Variants in STON2 observed in about 807,000 individuals in gnomAD.
The protein encoded by STON2 is stonin 2.
Under a neutral mutation model 65.7 loss-of-function variants are expected in STON2, and 29 were observed. The ratio of observed to expected loss-of-function variants is 0.44; its 90% CI spans 0.33 to 0.60. The LOEUF is 0.60. Ranked by LOEUF, STON2 falls within the 20% of genes least tolerant of loss-of-function variation. The pLI is 0.03. For synonymous variants in STON2, 404 were observed against 414.2 expected, an observed-to-expected ratio of 0.98 and a Z score of 0.30; for missense variants, 1,054 against 1,118.1, an observed-to-expected ratio of 0.94 and a Z score of 0.82.
At chr14:81,344,532 A>G (rs1897740367) in intron 4 of STON2, among the ~76,000 whole-genome samples, 1 of 152,204 alleles carries the variant, frequency 6.6e-6, no homozygotes, top group Non-Finnish European at 1.5e-5. Flanking sequence ...GTATGTATGT[A>G]TCATATGTTA....
intron 5 of STON2, among the ~76,000 whole-genome samples, chr14:81,297,285 C>T (rs1430352653): frequency 1.3e-5 from 2 of 152,154 alleles, no homozygotes; most frequent in Non-Finnish European, 2.9e-5. Flanking sequence ...GGTAAGTCTC[C>T]ATTACCTCTA....
intron 2 of STON2, among the ~76,000 whole-genome samples, chr14:81,421,962 C>T (rs907908755): frequency 4.2e-4 from 64 of 152,204 alleles, no homozygotes; most frequent in Admixed American, 3.7e-3. Context: ...GGCTGGAACC[C>T]TGGGGAAGGT....
chr14:81,269,384 C>A, intron 7 of STON2: 2 of 985,374 alleles, frequency 2.0e-6, no homozygotes, highest in Non-Finnish European at 2.4e-6. Context: ...ATATCTTCTG[C>A]AAAATACTGT....
intron 5 of STON2, among the ~76,000 whole-genome samples, chr14:81,283,133 A>G (rs1270348252): frequency 6.6e-6 from 1 of 152,192 alleles, no homozygotes; most frequent in African/African-American, 2.4e-5. Flanking sequence ...TCCAGTACCT[A>G]AGAGGTTCCT....
chr14:81,429,968 C>T (rs755357064), intron 1 of STON2, among the ~76,000 whole-genome samples: 1 of 152,046 alleles, frequency 6.6e-6, no homozygotes, highest in Non-Finnish European at 1.5e-5. Flanking sequence ...CATCTAGCTC[C>T]GACTTCCCTT....
chr14:81,274,908 AAAACAAAC>A (rs560348632), intron 6 of STON2, among the ~76,000 whole-genome samples: 21 of 152,254 alleles, frequency 1.4e-4, no homozygotes, highest in South Asian at 8.3e-4. Context: ...TCATTTCAAA[AAAACAAAC>A]AAACAAACAA....
chr14:81,339,915 G>A (rs973762820), intron 4 of STON2, among the ~76,000 whole-genome samples: 2 of 152,232 alleles, frequency 1.3e-5, no homozygotes, highest in African/African-American at 2.4e-5. Flanking sequence ...AACACTTTGG[G>A]AGGCCAAGGC....
rs551645855 is a variant in STON2, at chr14:81,326,478, T to C, written c.572-2291A>G. 1.1e-4 allele frequency among the ~76,000 whole-genome samples: 16 copies of C among 151,926 alleles called. No homozygotes were observed. The South Asian group carries it at 3.3e-3, about 32-fold the overall frequency. On this transcript the variant is annotated intron_variant, in intron 4 of 7. Coordinates refer to ENST00000614646, the MANE Select transcript of STON2 (RefSeq NM_001394390.1). ...TTCTCTAAAAGTATATACCTTGTTA[T>C]ACTGTCTCAGTAATGAAACAATTTT...
intron 7 of STON2, among the ~76,000 whole-genome samples, chr14:81,269,043 G>C (rs1894468843): frequency 6.6e-6 from 1 of 152,066 alleles, no homozygotes; most frequent in Non-Finnish European, 1.5e-5. Context: ...CTGTTACTCA[G>C]ACCGGAGTGC....
chr14:81,271,703 T>C (rs1894600400), intron 6 of STON2, among the ~76,000 whole-genome samples: 1 of 152,216 alleles, frequency 6.6e-6, no homozygotes, highest in African/African-American at 2.4e-5. Flanking sequence ...ACTTGAGAAT[T>C]GTTATTGAGA....
rs534115993 is a variant in STON2 at position 81,278,856 on chromosome 14, G to A, written c.743-117C>T. On this transcript the variant is annotated intron_variant, in intron 5 of 7. Transcript: ENST00000614646. ...TAACTGGAATCCAGTACATTCCAAA[G>A]CAGCTCATTATCTGTTTCAAGTGCT... 28 of 783,794 alleles carry A rather than the reference G, an allele frequency of 3.6e-5. No individual in the cohort carries two copies. The East Asian group carries it at 6.8e-4, about 19-fold the overall frequency. 48.6% of individuals were successfully genotyped at this position (783,794 alleles called of 1,614,324 possible). A position where few individuals can be genotyped will look rare whatever the true frequency, so the allele number is the denominator to read the frequency against.
intron 2 of STON2, among the ~76,000 whole-genome samples, chr14:81,410,312 A>G (rs1413843085): frequency 6.7e-6 from 1 of 150,308 alleles, no homozygotes; most frequent in African/African-American, 2.4e-5. Flanking sequence ...AAAAAACAGA[A>G]GAGATCAATG....
intron 3 of STON2, among the ~76,000 whole-genome samples, chr14:81,386,390 G>A (rs1442896363): frequency 1.3e-5 from 2 of 151,810 alleles, no homozygotes; most frequent in Non-Finnish European, 2.9e-5. Context: ...GAAATTAACG[G>A]CGGGGCTAGT....
Position 81,261,547 on chromosome 14 carries a change from AG to A in STON2, c.*6866del. On this transcript the variant is annotated 3_prime_UTR_variant, in exon 8 of 8. Transcript: ENST00000614646. ...TTACTAAGAGACAACGAGGATACAG[AG>A]GGGACTGTCCCTTTTCTCTCATCTG... The A allele has an allele frequency of 2.7e-6, 1 of 373,144 alleles. No individual in the cohort carries two copies. Among genetic ancestry groups the A allele is most frequent in the Non-Finnish European group, 4.7e-6 (1 of 213,514 alleles). 23.1% of individuals were successfully genotyped at this position (373,144 alleles called of 1,614,324 possible). A position where few individuals can be genotyped will look rare whatever the true frequency, so the allele number is the denominator to read the frequency against.
Position 81,277,913 on chromosome 14 carries a change from G to A in STON2, c.1569C>T (p.Gly523=). The A allele has an allele frequency of 6.2e-7, 1 of 1,614,146 alleles. No individual in the cohort carries two copies. Among genetic ancestry groups the A allele is most frequent in the Non-Finnish European group, 8.5e-7 (1 of 1,180,036 alleles). ...TGYLQLYYEQ[G]LEKPFREFKL... is the part of the protein sequence containing the mutation. ...TGAACTCACGGAATGGTTTTTCTAG[G>A]CCCTGCTCATAATACAGCTGCAGGT... The change falls in exon 6 of 8, where the codon GGC becomes GGT. Residue 523 remains glycine, a synonymous_variant. Coordinates refer to ENST00000614646, the MANE Select transcript of STON2 (RefSeq NM_001394390.1).
rs755716085 is a variant in STON2 at position 81,398,285 on chromosome 14, C to T, written c.88+10G>A. On this transcript the variant is annotated intron_variant, in intron 2 of 7. Transcript: ENST00000614646. ...ATCTCTTCACTTTAGGAAACGAAGGCACTCCTTACCCTGCGAGTGGGCAGG... is the reference window on the plus strand; with the variant it reads ...ATCTCTTCACTTTAGGAAACGAAGGTACTCCTTACCCTGCGAGTGGGCAGG... 5 of 1,601,176 alleles carry T rather than the reference C, an allele frequency of 3.1e-6. No homozygotes were observed. In the East Asian group the frequency reaches 1.1e-4, roughly 36 times the overall value.
chr14:81,372,244 C>T (rs1299953530), intron 3 of STON2, among the ~76,000 whole-genome samples: 2 of 152,068 alleles, frequency 1.3e-5, no homozygotes, highest in Admixed American at 6.6e-5. Flanking sequence ...GCTGCCTCCA[C>T]GGTGCTGCAT....
chr14:81,402,684 G>A (rs558750010), upstream of STON2, among the ~76,000 whole-genome samples: 9 of 152,238 alleles, frequency 5.9e-5, no homozygotes, highest in South Asian at 2.1e-4. Flanking sequence ...GTTTCAGAAC[G>A]AGTTTGAGCT....
At chr14:81,382,605 C>T (rs1343204322) in intron 3 of STON2, among the ~76,000 whole-genome samples, 1 of 152,102 alleles carries the variant, frequency 6.6e-6, no homozygotes, top group Non-Finnish European at 1.5e-5. Context: ...ACACGCAGGG[C>T]CTCCGGCGAT....
Sources: allele counts gnomAD v4.1 joint callset (sites outside exome capture counted in the v4.1 genomes callset), GRCh38; gene constraint gnomAD v4.1.1; transcripts MANE v1.5; gene names NCBI Gene and HGNC (gene_info 2026-07-23, HGNC 2026-07-21).